The following MPDZ variants were observed in gnomAD, a reference collection of about 807,000 sequenced individuals.
The protein encoded by MPDZ is multiple PDZ domain protein.
MPDZ carries 234 observed loss-of-function variants against 239.1 expected under a neutral mutation model. That is an observed-to-expected ratio of 0.98 (90% confidence interval 0.88 to 1.09). The LOEUF (loss-of-function observed/expected upper bound fraction) is 1.09. Ranked by LOEUF, MPDZ falls within the 50% of genes least tolerant of loss-of-function variation. The pLI is 0.00. For missense variants in MPDZ, 3,175 were observed against 2,510.0 expected, an observed-to-expected ratio of 1.26 and a Z score of -5.66; for synonymous variants, 1,048 against 881.3, an observed-to-expected ratio of 1.19 and a Z score of -3.35.
chr9:13,155,063 A>G (rs995571222), intron 24 of MPDZ, among the ~76,000 whole-genome samples: 4 of 152,104 alleles, frequency 2.6e-5, no homozygotes, highest in African/African-American at 7.2e-5. Context: ...CTAAAAATAC[A>G]AAAATTAGCT....
chr9:13,154,410 A>C (rs1324409018), intron 24 of MPDZ, among the ~76,000 whole-genome samples: 1 of 152,206 alleles, frequency 6.6e-6, no homozygotes, highest in Non-Finnish European at 1.5e-5. Flanking sequence ...GGTAAAACAC[A>C]GCTCTGAGGC....
intron 3 of MPDZ, among the ~76,000 whole-genome samples, chr9:13,229,843 T>G (rs1488543700): frequency 6.6e-6 from 1 of 151,716 alleles, no homozygotes; most frequent in Non-Finnish European, 1.5e-5. Flanking sequence ...AAGGTAGGAG[T>G]AGGGTAAATA....
At chr9:13,237,207 C>G (rs1029348321) in intron 3 of MPDZ, among the ~76,000 whole-genome samples, 1 of 151,668 alleles carries the variant, frequency 6.6e-6, no homozygotes, top group Non-Finnish European at 1.5e-5. Flanking sequence ...CTTTGGGAGG[C>G]TGAGGTGGGC....
chr9:13,220,409 C>A (rs1958955894), intron 7 of MPDZ, among the ~76,000 whole-genome samples: 1 of 151,950 alleles, frequency 6.6e-6, no homozygotes, highest in South Asian at 2.1e-4. Flanking sequence ...GCTAGTCCAA[C>A]TGAGAAGCTG....
chr9:13,275,017 G>C (rs1212439020), intron 1 of MPDZ, among the ~76,000 whole-genome samples: 1 of 152,192 alleles, frequency 6.6e-6, no homozygotes, highest in Non-Finnish European at 1.5e-5. Flanking sequence ...AGTGGCCTCA[G>C]GCCAAAGATA....
rs904888851 is a variant in MPDZ, at chr9:13,116,746, C to T, written c.5380-1412G>A. ...TAAAAAAGTGTTAATTTTTCCAATA[C>T]AAAAGTGATTTACGCCCAGTAAAAA... On this transcript the variant is annotated intron_variant, in intron 39 of 46. Transcript: ENST00000319217. Among the ~76,000 whole-genome samples the T allele has an allele frequency of 9.2e-5, 14 of 151,948 alleles. No homozygotes were observed. The South Asian group carries it at 1.9e-3, about 20-fold the overall frequency.
At chr9:13,147,784 T>TGA in intron 25 of MPDZ, 126 bp from the exon 26 acceptor site, 1 of 650,864 alleles carries the variant, frequency 1.5e-6, no homozygotes, top group Admixed American at 2.8e-5. Flanking sequence ...CAAAAATAAT[T>TGA]GAGACTACAT....
chr9:13,127,958 C>A (rs997917125), intron 32 of MPDZ, among the ~76,000 whole-genome samples: 1 of 152,168 alleles, frequency 6.6e-6, no homozygotes, highest in Non-Finnish European at 1.5e-5. Context: ...ACATAACAGT[C>A]ATGAAAATAC....
intron 39 of MPDZ, among the ~76,000 whole-genome samples, chr9:13,117,993 C>T (rs1172824333): frequency 1.3e-5 from 2 of 151,790 alleles, no homozygotes; most frequent in African/African-American, 2.4e-5. Context: ...TACAGGCATG[C>T]GCTACCACAC....
At chr9:13,196,399 C>A (rs951661042) in intron 12 of MPDZ, among the ~76,000 whole-genome samples, 169 bp from the exon 13 acceptor site, 1 of 152,128 alleles carries the variant, frequency 6.6e-6, no homozygotes, top group Non-Finnish European at 1.5e-5. Context: ...CAATTAAGAA[C>A]CCTATAATTT....
rs190232080 is a variant in MPDZ at position 13,165,599 on chromosome 9, T to C, written c.3254+2767A>G. ...AGCATCTGCTCTTTACTAGTGTCTATAGCAGTGATTATTAACAAGCATGAA... is the reference window on the plus strand; with the variant it reads ...AGCATCTGCTCTTTACTAGTGTCTACAGCAGTGATTATTAACAAGCATGAA... On this transcript the variant is annotated intron_variant, in intron 22 of 46. Coordinates refer to ENST00000319217, the MANE Select transcript of MPDZ (RefSeq NM_001378778.1). 1.2e-3 allele frequency: 560 copies of C among 484,168 alleles called. 2 individuals carry two copies. Among genetic ancestry groups the C allele is most frequent in the Non-Finnish European group, 1.6e-3 (450 of 277,418 alleles). The allele number at this position is 484,168 out of a possible 1,614,324, so 30.0% of individuals were successfully genotyped here.
intron 26 of MPDZ, 51 bp downstream of exon 26, chr9:13,147,497 C>T: frequency 7.1e-7 from 1 of 1,402,140 alleles, no homozygotes; most frequent in Non-Finnish European, 1.0e-6. Context: ...CATTAGATTC[C>T]AAGTTGAACA....
At chr9:13,215,271 G>T (rs1049630876) in intron 10 of MPDZ, among the ~76,000 whole-genome samples, 5 of 151,638 alleles carry the variant, frequency 3.3e-5, no homozygotes, top group Non-Finnish European at 7.4e-5. Flanking sequence ...GTTTTTCAGT[G>T]CTGAAGCATG....
rs183192494 is a variant in MPDZ at position 13,222,398 on chromosome 9, C to G, written c.582G>C (p.Gln194His). Residue 194 changes from glutamine (Q) to histidine (H), a missense_variant, in exon 6 of 47, where the codon CAG (glutamine) becomes CAC (histidine). Coordinates refer to ENST00000319217, the MANE Select transcript of MPDZ (RefSeq NM_001378778.1). ...ETDQILAING[Q>H]ALDQTITHQQ... ...GATGTGTAATTGTCTGATCAAGAGC[C>G]TGTCCATTGATAGCAAGAATTTGAT... 898 of 1,612,730 alleles carry G rather than the reference C, an allele frequency of 5.6e-4. 9 individuals carry two copies. Among genetic ancestry groups the G allele is most frequent in the Non-Finnish European group, 1.2e-4 (137 of 1,179,202 alleles).
rs71331534 is a variant in MPDZ, at chr9:13,248,976, C to CAAAAAAAAAAAAAAAAAAAAAAA, written c.17-1198_17-1176dup. Among the ~76,000 whole-genome samples the CAAAAAAAAAAAAAAAAAAAAAAA allele has an allele frequency of 3.9e-4, 14 of 35,820 alleles. 1 individual carries two copies. The highest frequency in any genetic ancestry group is 1.2e-3 in the East Asian group (1 of 814). 23.5% of individuals were successfully genotyped at this position (35,820 alleles called of 152,430 possible). On this transcript the variant is annotated intron_variant, in intron 2 of 46. Coordinates refer to ENST00000319217, the MANE Select transcript of MPDZ (RefSeq NM_001378778.1). ...CGACAGAGTGAGTGAGACTCCATCTCAAAAAAAAAAAAAAAAAAAAAAAAA... is the reference window on the plus strand; with the variant it reads ...CGACAGAGTGAGTGAGACTCCATCTCAAAAAAAAAAAAAAAAAAAAAAAAAAAAAAAAAAAAAAAAAAAAAAAA...
rs200092911 is a variant in MPDZ, at chr9:13,147,492, G to C, written c.3741+56C>G. On this transcript the variant is annotated intron_variant, in intron 26 of 46. Transcript: ENST00000319217. ...AGACAACTTGGCCCTTGATACATTA[G>C]ATTCCAAGTTGAACACTGTTTGGAT... 1.8e-5 allele frequency: 24 copies of C among 1,331,946 alleles called. 1 individual carries two copies. Among genetic ancestry groups the C allele is most frequent in the Non-Finnish European group, 2.6e-5 (24 of 925,278 alleles). 82.5% of individuals were successfully genotyped at this position (1,331,946 alleles called of 1,614,324 possible).
intron 2 of MPDZ, among the ~76,000 whole-genome samples, chr9:13,249,691 C>T (rs149775584): frequency 1.3e-5 from 2 of 152,218 alleles, no homozygotes; most frequent in East Asian, 1.9e-4. Flanking sequence ...CAGATAATTG[C>T]ATGTATTGTA....
chr9:13,107,384 T>C (rs1010655599), intron 46 of MPDZ, among the ~76,000 whole-genome samples: 3 of 152,170 alleles, frequency 2.0e-5, no homozygotes, highest in African/African-American at 4.8e-5. Context: ...AGCACAGCAG[T>C]TGGTGGGAAC....
chr9:13,224,249 G>T, intron 4 of MPDZ, 125 bp downstream of exon 4: 1 of 879,654 alleles, frequency 1.1e-6, no homozygotes, highest in Non-Finnish European at 1.7e-6. Flanking sequence ...CCACAAAACT[G>T]ACTTTTTGTT....
Sources: gnomAD v4.1 joint callset for allele counts (sites outside exome capture counted in the v4.1 genomes callset) on GRCh38, gnomAD v4.1.1 for gene constraint, MANE v1.5 for transcripts, NCBI Gene and HGNC (gene_info 2026-07-23, HGNC 2026-07-21) for gene names.